The following MAST4 variants were observed in gnomAD, a reference collection of about 807,000 sequenced individuals.
MAST4 encodes microtubule-associated serine/threonine-protein kinase 4.
Under a neutral mutation model 162.7 loss-of-function variants are expected in MAST4, and 89 were observed. The observed-to-expected ratio is 0.55, with a 90% confidence interval of 0.46 to 0.65. The LOEUF is 0.65. MAST4 is among the 30% of genes least tolerant of loss of function. The pLI is 0.00. For synonymous variants in MAST4, 1,479 were observed against 1,361.1 expected (o/e 1.09, Z -1.91); for missense variants, 3,153 against 3,374.0 (o/e 0.93, Z 1.62).
Position 67,100,427 on chromosome 5 carries a change from T to G in MAST4, c.913-8T>G. On this transcript the variant is annotated splice_region_variant and splice_polypyrimidine_tract_variant and intron_variant, in intron 7 of 28. Coordinates refer to ENST00000403625, the MANE Select transcript of MAST4 (RefSeq NM_001164664.2). ...GTAGTTATGTGACCTCACTTTGGTTTTTTTCAGTCATCCTGTTCCTCCCAG... is the reference window on the plus strand; with the variant it reads ...GTAGTTATGTGACCTCACTTTGGTTGTTTTCAGTCATCCTGTTCCTCCCAG... The G allele has an allele frequency of 2.5e-6, 4 of 1,613,862 alleles. No individual in the cohort carries two copies. The highest frequency in any genetic ancestry group is 3.4e-6 in the Non-Finnish European group (4 of 1,179,800).
At chr5:66,998,986 C>A (rs185837730) in intron 4 of MAST4, among the ~76,000 whole-genome samples, 4 of 152,298 alleles carry the variant, frequency 2.6e-5, no homozygotes. Flanking sequence ...TTTCTGTTTG[C>A]CGGGTGATGC....
chr5:66,787,096 GC>G (rs1755153996), intron 2 of MAST4, among the ~76,000 whole-genome samples: 1 of 152,130 alleles, frequency 6.6e-6, no homozygotes. Context: ...TGAATGAAAA[GC>G]CCATCCCAAA....
intron 16 of MAST4, among the ~76,000 whole-genome samples, chr5:67,132,499 T>G (rs1769108242): frequency 6.6e-6 from 1 of 152,166 alleles, no homozygotes; most frequent in South Asian, 2.1e-4. Context: ...TTTGGTGTCA[T>G]ACTTAGATTA....
intron 11 of MAST4, among the ~76,000 whole-genome samples, 173 bp downstream of exon 11, chr5:67,110,372 T>C (rs1343001675): frequency 5.9e-5 from 9 of 152,210 alleles, no homozygotes; most frequent in Admixed American, 5.9e-4. Context: ...CCTTTCTGAT[T>C]TTAAAGAGAC....
chr5:66,817,189 A>G (rs1756770461), intron 3 of MAST4, among the ~76,000 whole-genome samples: 1 of 152,148 alleles, frequency 6.6e-6, no homozygotes, highest in African/African-American at 2.4e-5. Flanking sequence ...ATCCATCATA[A>G]TGCCTGATTC....
chr5:66,787,505 C>G (rs1420418160), intron 2 of MAST4, among the ~76,000 whole-genome samples: 1 of 152,220 alleles, frequency 6.6e-6, no homozygotes, highest in Non-Finnish European at 1.5e-5. Flanking sequence ...TGTGCTTTGA[C>G]AGTGCTGGTA....
chr5:67,165,128 C>T lies in MAST4; in HGVS notation c.5949C>T (p.Ser1983=), dbSNP rs55927942. Residue 1983 remains serine, a synonymous_variant, in exon 29 of 29, where the codon AGC becomes AGT. Coordinates refer to ENST00000403625, the MANE Select transcript of MAST4 (RefSeq NM_001164664.2). The stretch of plus-strand genomic sequence containing the variant: ...AAAGAGGCCCTCCCACAGCCAGAAG[C>T]GAGCGCTCTGCTGCGAGGGCTGACA... ...SSERGPPTAR[S]ERSAARADTC... The T allele has an allele frequency of 0.015, 23,146 of 1,588,482 alleles. 381 individuals are homozygous for T. Among genetic ancestry groups the T allele is most frequent in the African/African-American group, 0.075 (5,604 of 74,368 alleles).
chr5:66,614,432 A>C (rs1743507589), intron 1 of MAST4, among the ~76,000 whole-genome samples: 1 of 152,226 alleles, frequency 6.6e-6, no homozygotes, highest in Non-Finnish European at 1.5e-5. Flanking sequence ...AAATGATAGA[A>C]TAGAAGCTAT....
intron 5 of MAST4, among the ~76,000 whole-genome samples, chr5:67,064,328 C>T (rs909935069): frequency 2.0e-5 from 3 of 152,118 alleles, no homozygotes; most frequent in Non-Finnish European, 4.4e-5. Flanking sequence ...ATGAGGGAGG[C>T]GTCCATCTTA....
Position 67,168,773 on chromosome 5 carries a change from T to C in MAST4, c.*1722T>C. The C allele has an allele frequency of 6.6e-6, 1 of 152,190 alleles. No homozygotes were observed. Among genetic ancestry groups the C allele is most frequent in the East Asian group, 1.9e-4 (1 of 5,194 alleles). The allele number at this position is 152,190 out of a possible 1,614,324, so 9.4% of individuals were successfully genotyped here. On this transcript the variant is annotated 3_prime_UTR_variant, in exon 29 of 29. Transcript: ENST00000403625. ...TTCATCTAAGCACAGCATCATCTTA[T>C]GGCCTTATGGATTGTAAATCTTCTA...
At chr5:66,794,893 G>T (rs572514410) in intron 3 of MAST4, among the ~76,000 whole-genome samples, 22 of 152,284 alleles carry the variant, frequency 1.4e-4, no homozygotes, top group African/African-American at 5.1e-4. Context: ...GAGCCTTGAT[G>T]AATATTCATC....
chr5:67,049,042 CGT>C lies in MAST4; in HGVS notation c.675-5359_675-5358del, dbSNP rs1491171338. ...ATATACGTATATATATATATATATA[CGT>C]GTATATATATATATACGTATATATA... On this transcript the variant is annotated intron_variant, in intron 4 of 28. Transcript: ENST00000403625. Among the ~76,000 whole-genome samples, 249 of 51,202 alleles carry C rather than the reference CGT, an allele frequency of 4.9e-3. 6 individuals carry two copies. The highest frequency in any genetic ancestry group is 0.012 in the Admixed American group (57 of 4,940). The allele number at this position is 51,202 out of a possible 152,430, so 33.6% of individuals were successfully genotyped here. A position where few individuals can be genotyped will look rare whatever the true frequency, so the allele number is the denominator to read the frequency against.
In MAST4 at chr5:67,163,497, C is replaced by A. The variant is rs1422035675; in HGVS notation, c.4318C>A (p.Leu1440Met). Residue 1440 changes from leucine (L) to methionine (M), a missense_variant, in exon 29 of 29, where the codon CTG (leucine) becomes ATG (methionine). By Grantham distance (15) the Leu-to-Met change is conservative. This residue lies in a region of MAST4 where 619 missense variants were observed against 744.2 expected (regional missense o/e 0.83). Coordinates refer to ENST00000403625, the MANE Select transcript of MAST4 (RefSeq NM_001164664.2). This position sits in a 1 kb window ranked among gnomAD's most constrained non-coding sequence, Gnocchi z 7.0. ...PKSAEPPRSP[L>M]LKRVQSEEKL... is the part of the protein sequence containing the mutation. ...GAGTGCGGAGCCCCCCAGGTCCCCGCTGCTCAAGCGCGTGCAGTCCGAGGA... is the reference window on the plus strand; with the variant it reads ...GAGTGCGGAGCCCCCCAGGTCCCCGATGCTCAAGCGCGTGCAGTCCGAGGA... 1.2e-6 allele frequency: 2 copies of A among 1,612,900 alleles called. No individual in the cohort carries two copies. Among genetic ancestry groups the A allele is most frequent in the South Asian group, 2.2e-5 (2 of 90,922 alleles).
chr5:66,602,224 G>A (rs754910527), intron 1 of MAST4, among the ~76,000 whole-genome samples: 18 of 152,114 alleles, frequency 1.2e-4, no homozygotes, highest in Non-Finnish European at 1.5e-4. Context: ...GTAAATTTCA[G>A]GGACAGATTT....
At chr5:67,012,270 T>C (rs1293435301) in intron 4 of MAST4, among the ~76,000 whole-genome samples, 2 of 152,164 alleles carry the variant, frequency 1.3e-5, no homozygotes, top group Non-Finnish European at 2.9e-5. Context: ...TGTGTGGAGA[T>C]GGCCCATAGA....
At chr5:66,862,623 T>C (rs1561392089) in intron 3 of MAST4, among the ~76,000 whole-genome samples, 1 of 152,212 alleles carries the variant, frequency 6.6e-6, no homozygotes, top group Non-Finnish European at 1.5e-5. Context: ...GTTTTCTAAA[T>C]AGTTTGTCAA....
rs377588097 is a variant in MAST4, at chr5:67,131,766, A to G, written c.1955-47A>G. The G allele has an allele frequency of 5.6e-6, 9 of 1,596,968 alleles. No individual in the cohort carries two copies. The African/African-American group carries it at 1.2e-4, about 22-fold the overall frequency. On this transcript the variant is annotated intron_variant, in intron 15 of 28. Coordinates refer to ENST00000403625, the MANE Select transcript of MAST4 (RefSeq NM_001164664.2). ...TCTGCAGTCTAAACTGATTTTCTAC[A>G]TTAAGCCTTCATCCTATAGCTACTA...
At chr5:67,124,063 C>G (rs1199283089) in intron 14 of MAST4, among the ~76,000 whole-genome samples, 1 of 152,178 alleles carries the variant, frequency 6.6e-6, no homozygotes, top group Non-Finnish European at 1.5e-5. Flanking sequence ...AGGGCTGATT[C>G]ATTCTGCTCT....
chr5:67,132,095 A>C (rs1769043601), intron 16 of MAST4, 144 bp downstream of exon 16: 4 of 909,430 alleles, frequency 4.4e-6, no homozygotes, highest in Non-Finnish European at 6.4e-6. Context: ...TATATATGGT[A>C]ATTTGTATGT....
Sources: gnomAD v4.1 joint callset for allele counts (sites outside exome capture counted in the v4.1 genomes callset) on GRCh38, gnomAD v4.1.1 for gene constraint, gnomAD v4.1.1 regional missense constraint, Gnocchi (gnomAD v3.1) non-coding constraint, MANE v1.5 for transcripts, NCBI Gene and HGNC (gene_info 2026-07-23, HGNC 2026-07-21) for gene names.